The following ITGA8 variants were observed in gnomAD, a reference collection of about 807,000 sequenced individuals.
The protein encoded by ITGA8 is integrin alpha-8.
ITGA8 carries 91 observed loss-of-function variants against 142.3 expected under a neutral mutation model. The ratio of observed to expected loss-of-function variants is 0.64; its 90% confidence interval spans 0.54 to 0.76. ITGA8 has a LOEUF of 0.76. ITGA8 is among the 30% of genes least tolerant of loss of function. The probability of loss-of-function intolerance (pLI) is 0.00; values close to 1 mark genes in which losing one functional copy is unlikely to be tolerated. For missense variants in ITGA8, 1,406 were observed against 1,327.7 expected, an observed-to-expected ratio of 1.06 and a Z score of -0.92; for synonymous variants, 505 against 485.2, an observed-to-expected ratio of 1.04 and a Z score of -0.54.
intron 15 of ITGA8, among the ~76,000 whole-genome samples, chr10:15,612,222 T>C (rs1314863529): frequency 6.6e-6 from 1 of 152,074 alleles, no homozygotes; most frequent in Non-Finnish European, 1.5e-5. Context: ...CTCCCAGCAA[T>C]AGGATGTTTT....
At chr10:15,549,692 G>A (rs1833758270) in intron 26 of ITGA8, among the ~76,000 whole-genome samples, 1 of 152,134 alleles carries the variant, frequency 6.6e-6, no homozygotes. Flanking sequence ...TGGCCTGTGA[G>A]TACTCAATAA....
intron 28 of ITGA8, among the ~76,000 whole-genome samples, chr10:15,527,323 CAT>C (rs376131594): frequency 3.9e-5 from 6 of 152,186 alleles, no homozygotes; most frequent in African/African-American, 1.4e-4. Flanking sequence ...TCACAGTTTA[CAT>C]ATGAGTTTTT....
At chr10:15,650,915 TAG>T (rs1161561392) in intron 11 of ITGA8, among the ~76,000 whole-genome samples, 2 of 152,218 alleles carry the variant, frequency 1.3e-5, no homozygotes, top group South Asian at 2.1e-4. Flanking sequence ...TTTAATTTTT[TAG>T]AGTTTTCTAC....
At chr10:15,623,419 C>G (rs1833528620) in intron 13 of ITGA8, among the ~76,000 whole-genome samples, 1 of 152,170 alleles carries the variant, frequency 6.6e-6, no homozygotes, top group African/African-American at 2.4e-5. Flanking sequence ...GGCATAGTAG[C>G]TCACGCCTGT....
chr10:15,667,062 TC>T (rs1489119109), intron 8 of ITGA8, among the ~76,000 whole-genome samples: 6 of 152,244 alleles, frequency 3.9e-5, no homozygotes, highest in African/African-American at 1.4e-4. Context: ...TCCCTCTTTT[TC>T]TATTGATTGG....
chr10:15,633,742 C>A (rs1833723072), intron 13 of ITGA8, among the ~76,000 whole-genome samples: 1 of 152,114 alleles, frequency 6.6e-6, no homozygotes, highest in Admixed American at 6.6e-5. Context: ...TTAAATTCTA[C>A]CTATATTACA....
chr10:15,615,162 A>G (rs1833369673), intron 14 of ITGA8, among the ~76,000 whole-genome samples: 1 of 152,176 alleles, frequency 6.6e-6, no homozygotes, highest in African/African-American at 2.4e-5. Flanking sequence ...AAAGTGGCGG[A>G]TTGGAAGCGG....
In ITGA8 at chr10:15,684,102, C is replaced by G; in HGVS notation, c.470G>C (p.Arg157Thr). The change falls in exon 4 of 30, where the codon AGA becomes ACA. Residue 157 changes from arginine to threonine, a missense_variant. By Grantham distance (71) the Arg-to-Thr change is moderately conservative. Coordinates refer to ENST00000378076, the MANE Select transcript of ITGA8 (RefSeq NM_003638.3). ...CTTTTCTGGTGTCGGTTTAAGAGTTCTCCAGTGATATAAAGGAGCACAGGC... is the reference window on the plus strand; with the variant it reads ...CTTTTCTGGTGTCGGTTTAAGAGTTGTCCAGTGATATAAAGGAGCACAGGC... ...VVACAPLYHW[R>T]TLKPTPEKDP... 6.2e-7 allele frequency: 1 copy of G among 1,614,070 alleles called. No individual in the cohort carries two copies. Among genetic ancestry groups the G allele is most frequent in the South Asian group, 1.1e-5 (1 of 91,080 alleles).
intron 13 of ITGA8, among the ~76,000 whole-genome samples, chr10:15,643,094 A>G (rs536377692): frequency 6.6e-6 from 1 of 152,364 alleles, no homozygotes; most frequent in East Asian, 1.9e-4. Context: ...TAATCTTTTA[A>G]GACAAATCAA....
chr10:15,596,666 T>A (rs1053225896), intron 21 of ITGA8: 1 of 153,168 alleles, frequency 6.5e-6, no homozygotes, highest in African/African-American at 2.4e-5. Flanking sequence ...TGAGAAAAGT[T>A]TCAAATGCTC....
intron 7 of ITGA8, 134 bp from the exon 8 acceptor site, chr10:15,671,781 G>C: frequency 3.6e-6 from 2 of 550,946 alleles, no homozygotes; most frequent in African/African-American, 2.0e-5. Flanking sequence ...AAAAGTTAAA[G>C]ATTCTATAAA....
In ITGA8 at chr10:15,572,207, C is replaced by T. The variant is rs1834198086; in HGVS notation, c.2637+4G>A. 6.2e-7 allele frequency: 1 copy of T among 1,610,222 alleles called. No homozygotes were observed. The highest frequency in any genetic ancestry group is 8.5e-7 in the Non-Finnish European group (1 of 1,177,734). ...CAAAGCCACTGATTAGACCAGACTC[C>T]TACCTTTATATCCTGTGGATTGATA... On this transcript the variant is annotated splice_donor_region_variant and intron_variant, in intron 25 of 29. Transcript: ENST00000378076.
chr10:15,688,323 A>AAAT (rs1554787831), intron 2 of ITGA8, among the ~76,000 whole-genome samples: 1 of 147,684 alleles, frequency 6.8e-6, no homozygotes, highest in Non-Finnish European at 1.5e-5. Context: ...AAAAAAAAAA[A>AAAT]TGCTGGGCGT....
Position 15,659,027 on chromosome 10 carries a change from G to A in ITGA8, c.920C>T (p.Thr307Met), listed in dbSNP as rs750689734. Residue 307 changes from threonine to methionine, a missense_variant, in exon 10 of 30, where the codon ACG becomes ATG. Physicochemically the swap from Thr to Met is moderately conservative, Grantham distance 81 (BLOSUM62 -1). Transcript: ENST00000378076. ...YVSIINSTDM[T>M]FIQNFTGEQM... ...TTCTCCCGTGAAATTCTGAATAAAC[G>A]TCATATCCGTAGAGTTAATGATGGA... 1.4e-5 allele frequency: 22 copies of A among 1,606,612 alleles called. No homozygotes were observed. The highest frequency in any genetic ancestry group is 1.2e-4 in the Admixed American group (7 of 59,356).
intron 8 of ITGA8, among the ~76,000 whole-genome samples, chr10:15,670,931 G>A (rs1347634233): frequency 6.6e-6 from 1 of 152,082 alleles, no homozygotes. Flanking sequence ...GTTGGCCCCT[G>A]CCCCTTTGTC....
At chr10:15,531,181 T>G (rs773824711) in intron 27 of ITGA8, 30 bp from the exon 28 acceptor site, 1 of 1,222,944 alleles carries the variant, frequency 8.2e-7, no homozygotes, top group Non-Finnish European at 1.1e-6. Context: ...TTTAAATATA[T>G]TTCATATAAA....
At chr10:15,693,626 A>C (rs1834974089) in intron 2 of ITGA8, among the ~76,000 whole-genome samples, 1 of 152,180 alleles carries the variant, frequency 6.6e-6, no homozygotes, top group African/African-American at 2.4e-5. Flanking sequence ...GGAAGCTTGG[A>C]AGATGATAGA....
chr10:15,659,796 A>C (rs9333122), intron 9 of ITGA8, among the ~76,000 whole-genome samples: 14,872 of 152,254 alleles, frequency 0.098, 919 homozygotes, highest in East Asian at 0.29. Context: ...AGGCCACATG[A>C]GGATGGAGGC....
chr10:15,669,499 G>A (rs2131682612), intron 8 of ITGA8, among the ~76,000 whole-genome samples: 1 of 152,266 alleles, frequency 6.6e-6, no homozygotes, highest in Middle Eastern at 3.4e-3. Context: ...TTGATCTTCT[G>A]AAGCCTTCTT....
Sources: gnomAD v4.1 joint callset for allele counts (sites outside exome capture counted in the v4.1 genomes callset) on GRCh38, gnomAD v4.1.1 for gene constraint, MANE v1.5 for transcripts, NCBI Gene and HGNC (gene_info 2026-07-23, HGNC 2026-07-21) for gene names.